CSNK1G2: variants seen among roughly 807,000 people sequenced by gnomAD.
CSNK1G2 encodes casein kinase I isoform gamma-2.
A neutral mutation model predicts 48.0 loss-of-function variants in CSNK1G2; 11 were observed. That is an observed-to-expected ratio of 0.23 (90% CI 0.14 to 0.38). The LOEUF is 0.38. CSNK1G2 is among the 10% of genes least tolerant of loss of function. The pLI is 1.00. For synonymous variants in CSNK1G2, 337 were observed against 254.1 expected (o/e 1.33, Z -3.10); for missense variants, 446 against 595.5 (o/e 0.75, Z 2.61).
At chr19:1,966,132 G>A (rs994781171) in intron 1 of CSNK1G2, among the ~76,000 whole-genome samples, 1 of 152,192 alleles carries the variant, frequency 6.6e-6, no homozygotes, top group Admixed American at 6.5e-5. Context: ...CATTTGTAAG[G>A]CTCTAGGTGC....
At chr19:1,948,560 C>T (rs991155178) in intron 1 of CSNK1G2, among the ~76,000 whole-genome samples, 3 of 150,118 alleles carry the variant, frequency 2.0e-5, no homozygotes, top group Non-Finnish European at 3.0e-5. Flanking sequence ...AAAAAGATCC[C>T]GTCACACTGA....
intron 1 of CSNK1G2, among the ~76,000 whole-genome samples, chr19:1,969,102 G>A (rs1421004501): frequency 1.3e-5 from 2 of 152,164 alleles, no homozygotes; most frequent in African/African-American, 4.8e-5. Flanking sequence ...GCCTGGATAC[G>A]GGGACTGTTG....
intron 1 of CSNK1G2, among the ~76,000 whole-genome samples, chr19:1,943,496 A>G (rs546687561): frequency 6.6e-6 from 1 of 152,202 alleles, no homozygotes; most frequent in Non-Finnish European, 1.5e-5. Flanking sequence ...CTACAAAGGA[A>G]GTAGGCGAGG....
At chr19:1,943,758 C>T (rs1412471237) in intron 1 of CSNK1G2, among the ~76,000 whole-genome samples, 2 of 152,202 alleles carry the variant, frequency 1.3e-5, no homozygotes, top group Non-Finnish European at 2.9e-5. Flanking sequence ...GTTGCTTGCC[C>T]TGGGGCATCT....
intron 2 of CSNK1G2, among the ~76,000 whole-genome samples, chr19:1,971,204 T>TG (rs1352351028): frequency 6.6e-6 from 1 of 152,232 alleles, no homozygotes; most frequent in African/African-American, 2.4e-5. Flanking sequence ...GGGCAGCTGT[T>TG]GGGGTCACTG....
At chr19:1,948,500 C>T (rs999490284) in intron 1 of CSNK1G2, among the ~76,000 whole-genome samples, 7 of 118,094 alleles carry the variant, frequency 5.9e-5, no homozygotes, top group South Asian at 2.9e-4. Context: ...TCCATGTGGG[C>T]GACAGAGTGA....
intron 1 of CSNK1G2, among the ~76,000 whole-genome samples, chr19:1,954,867 G>A (rs1053288809): frequency 6.6e-6 from 1 of 152,152 alleles, no homozygotes; most frequent in Non-Finnish European, 1.5e-5. Flanking sequence ...GGACGGAATC[G>A]TGGCTGCGTG....
intron 1 of CSNK1G2, among the ~76,000 whole-genome samples, chr19:1,943,912 G>T (rs1426921310): frequency 6.6e-6 from 1 of 152,252 alleles, no homozygotes; most frequent in African/African-American, 2.4e-5. Context: ...AGGCAGCGCT[G>T]TGGGTGCTGT....
chr19:1,947,789 C>T (rs772245407), intron 1 of CSNK1G2, among the ~76,000 whole-genome samples: 1 of 152,224 alleles, frequency 6.6e-6, no homozygotes, highest in Non-Finnish European at 1.5e-5. Context: ...TGCCATCACG[C>T]TGGTCAGGCC....
intron 1 of CSNK1G2, among the ~76,000 whole-genome samples, chr19:1,962,043 A>G (rs1338623615): frequency 6.6e-6 from 1 of 152,136 alleles, no homozygotes; most frequent in African/African-American, 2.4e-5. Context: ...TTAAAATTAC[A>G]CCCTGGCCAG....
chr19:1,977,396 C>T (rs2015795322), intron 2 of CSNK1G2, among the ~76,000 whole-genome samples: 1 of 152,198 alleles, frequency 6.6e-6, no homozygotes, highest in Non-Finnish European at 1.5e-5. Flanking sequence ...CCACAGCTGC[C>T]CCTGCAGAGC....
At chr19:1,949,826 G>A (rs1012357912) in intron 1 of CSNK1G2, among the ~76,000 whole-genome samples, 1 of 152,228 alleles carries the variant, frequency 6.6e-6, no homozygotes, top group Non-Finnish European at 1.5e-5. Flanking sequence ...CTGGCCTGCA[G>A]GGCATCAGGG....
intron 1 of CSNK1G2, among the ~76,000 whole-genome samples, chr19:1,958,954 A>C (rs2015100080): frequency 8.3e-6 from 1 of 120,604 alleles, no homozygotes; most frequent in Non-Finnish European, 1.7e-5. Flanking sequence ...TGTGGGTATG[A>C]GCTTTGGCTC....
chr19:1,957,325 C>T lies in CSNK1G2; in HGVS notation c.-265-12183C>T, dbSNP rs752446612. 9.8e-5 allele frequency among the ~76,000 whole-genome samples: 15 copies of T among 152,294 alleles called. 1 individual carries two copies. Among genetic ancestry groups the T allele is most frequent in the Non-Finnish European group, 1.2e-4 (8 of 68,028 alleles). ...GCAAGGATGAGAAGCAGTGTGTGCC[C>T]GGGAGGTCACGTGGGCACCACAGAC... On this transcript the variant is annotated intron_variant, in intron 1 of 11. Transcript: ENST00000255641. This position sits in a 1 kb window ranked among gnomAD's most constrained non-coding sequence, Gnocchi z 5.4.
Position 1,969,676 on chromosome 19 carries a change from G to T in CSNK1G2, c.-97G>T. On this transcript the variant is annotated 5_prime_UTR_variant, in exon 2 of 12. The change abolishes an upstream ATG in the 5' untranslated region. Coordinates refer to ENST00000255641, the MANE Select transcript of CSNK1G2 (RefSeq NM_001319.7). Reference sequence around the variant, plus strand: ...ACGCCCGCCCACCGGCCGCAGTGATGTTCTAGCCACAGAGGAGCCAAGACC... The same window carrying T: ...ACGCCCGCCCACCGGCCGCAGTGATTTTCTAGCCACAGAGGAGCCAAGACC... 9.1e-7 allele frequency: 1 copy of T among 1,094,800 alleles called. No homozygotes were observed. The highest frequency in any genetic ancestry group is 1.2e-6 in the Non-Finnish European group (1 of 850,536). The allele number at this position is 1,094,800 out of a possible 1,614,324, so 67.8% of individuals were successfully genotyped here. A position where few individuals can be genotyped will look rare whatever the true frequency, so the allele number is the denominator to read the frequency against.
rs1599270559 is a variant in CSNK1G2, at chr19:1,941,231, C to T, written c.-453C>T. 6.8e-6 allele frequency: 1 copy of T among 146,154 alleles called. No individual in the cohort carries two copies. Among genetic ancestry groups the T allele is most frequent in the African/African-American group, 2.5e-5 (1 of 40,736 alleles). The allele number at this position is 146,154 out of a possible 1,614,324, so 9.1% of individuals were successfully genotyped here. On this transcript the variant is annotated 5_prime_UTR_variant, in exon 1 of 12. Coordinates refer to ENST00000255641, the MANE Select transcript of CSNK1G2 (RefSeq NM_001319.7). ...GCGGGCGCGGCGGAGCGCGGCGAGC[C>T]CGGCGCCTCCCGTCCCGAACATGCG...
chr19:1,979,322 G>A lies in CSNK1G2; in HGVS notation c.772G>A (p.Asp258Asn). The change falls in exon 8 of 12, where the codon GAC (aspartate) becomes AAC (asparagine). Residue 258 changes from aspartate (D) to asparagine (N), a missense_variant. Around this residue, in one of 2 missense-constraint regions of CSNK1G2, gnomAD observed 258 missense variants for 415.9 expected, o/e 0.62. Transcript: ENST00000255641. The part of the protein sequence containing the change: ...GSLPWQGLKA[D>N]TLKERYQKIG... ...GGCTGACCACAGACCCCCGCAGGCC[G>A]ACACGCTCAAGGAGCGGTACCAGAA... The A allele has an allele frequency of 1.2e-6, 2 of 1,600,726 alleles. No individual in the cohort carries two copies.
chr19:1,955,171 G>A (rs563134980), intron 1 of CSNK1G2, among the ~76,000 whole-genome samples: 55 of 152,254 alleles, frequency 3.6e-4, no homozygotes, highest in African/African-American at 1.3e-3. Flanking sequence ...AGTGATCTGC[G>A]CCCTCGGAAG....
rs545417288 is a variant in CSNK1G2, at chr19:1,957,610, G to A, written c.-265-11898G>A. On this transcript the variant is annotated intron_variant, in intron 1 of 11. Coordinates refer to ENST00000255641, the MANE Select transcript of CSNK1G2 (RefSeq NM_001319.7). This position sits in a 1 kb window ranked among gnomAD's most constrained non-coding sequence, Gnocchi z 5.4. Reference sequence around the variant, plus strand: ...TCCCCCATGTCCCCTCGCCCGGGGCGCGCTCCACAGGCTAGGCCACTTTCA... The same window carrying A: ...TCCCCCATGTCCCCTCGCCCGGGGCACGCTCCACAGGCTAGGCCACTTTCA... Among the ~76,000 whole-genome samples the A allele has an allele frequency of 6.6e-5, 10 of 152,304 alleles. No individual in the cohort carries two copies. Among genetic ancestry groups the A allele is most frequent in the Middle Eastern group, 3.4e-3 (1 of 294 alleles).
Sources: allele counts gnomAD v4.1 joint callset (sites outside exome capture counted in the v4.1 genomes callset), GRCh38; gene constraint gnomAD v4.1.1; regional missense constraint gnomAD v4.1.1; non-coding constraint Gnocchi (gnomAD v3.1); transcripts MANE v1.5; gene names NCBI Gene and HGNC (gene_info 2026-07-23, HGNC 2026-07-21).